The following LANCL1 variants were observed in gnomAD, a reference collection of about 807,000 sequenced individuals.
LANCL1 encodes the protein glutathione S-transferase LANCL1.
A neutral mutation model predicts 50.6 loss-of-function variants in LANCL1; 50 were observed. The observed-to-expected ratio is 0.99, with a 90% CI of 0.79 to 1.25. The LOEUF (loss-of-function observed/expected upper bound fraction) is 1.25, where lower values mean the gene tolerates loss of function less well. LANCL1 is among the 50% of genes most tolerant of loss of function. LANCL1 has a pLI of 0.00. For synonymous variants in LANCL1, 188 were observed against 178.6 expected (o/e 1.05, Z -0.42); for missense variants, 532 against 480.7 (o/e 1.11, Z -1.00).
At chr2:210,442,124 C>T (rs1693158752) in intron 4 of LANCL1, among the ~76,000 whole-genome samples, 1 of 151,882 alleles carries the variant, frequency 6.6e-6, no homozygotes, top group African/African-American at 2.4e-5. Flanking sequence ...CGCTGGTCTC[C>T]AATTCCCGAC....
At chr2:210,456,943 C>T (rs1362062682) in intron 3 of LANCL1, among the ~76,000 whole-genome samples, 1 of 152,158 alleles carries the variant, frequency 6.6e-6, no homozygotes, top group Non-Finnish European at 1.5e-5. Context: ...GTGTATTTCT[C>T]ATGAAAAACA....
At chr2:210,454,904 G>A (rs1693617888) in intron 4 of LANCL1, among the ~76,000 whole-genome samples, 1 of 152,202 alleles carries the variant, frequency 6.6e-6, no homozygotes, top group African/African-American at 2.4e-5. Context: ...GAACATGACA[G>A]TGTCTTTTAT....
chr2:210,443,604 T>A (rs775384520), intron 4 of LANCL1, among the ~76,000 whole-genome samples: 5 of 152,294 alleles, frequency 3.3e-5, no homozygotes, highest in Middle Eastern at 3.4e-3. Flanking sequence ...ATATGGAAAT[T>A]TAATTTTAAA....
At chr2:210,448,045 A>G (rs962772763) in intron 4 of LANCL1, among the ~76,000 whole-genome samples, 1 of 152,166 alleles carries the variant, frequency 6.6e-6, no homozygotes, top group African/African-American at 2.4e-5. Context: ...AAATCAACAG[A>G]ATGTACATTC....
chr2:210,468,143 C>T (rs1462985434), intron 3 of LANCL1: 1 of 151,364 alleles, frequency 6.6e-6, no homozygotes, highest in Non-Finnish European at 1.5e-5. Context: ...TCCTATAATA[C>T]TTACTTTCTG....
chr2:210,449,023 C>A (rs1190245472), intron 4 of LANCL1, among the ~76,000 whole-genome samples: 1 of 152,060 alleles, frequency 6.6e-6, no homozygotes, highest in African/African-American at 2.4e-5. Flanking sequence ...CATCCTGATA[C>A]CAAAACCTGG....
chr2:210,470,718 T>C (rs1311140190), intron 3 of LANCL1, among the ~76,000 whole-genome samples: 1 of 152,208 alleles, frequency 6.6e-6, no homozygotes, highest in East Asian at 1.9e-4. Flanking sequence ...TATTAATAAA[T>C]TTCTCTCAGA....
At chr2:210,438,139 T>C (rs1693002176) in intron 6 of LANCL1, among the ~76,000 whole-genome samples, 2 of 149,360 alleles carry the variant, frequency 1.3e-5, no homozygotes, top group Non-Finnish European at 3.0e-5. Flanking sequence ...CTTTCTTTTT[T>C]TTTTTTTTTT....
At chr2:210,473,324 G>A (rs1391507360) in intron 2 of LANCL1, among the ~76,000 whole-genome samples, 1 of 152,104 alleles carries the variant, frequency 6.6e-6, no homozygotes, top group African/African-American at 2.4e-5. Flanking sequence ...GTGGTGAGCC[G>A]AGATCGTGCC....
rs369219312 is a variant in LANCL1 at position 210,435,510 on chromosome 2, C to A, written c.1051-51G>T. 9.2e-6 allele frequency: 13 copies of A among 1,416,220 alleles called. No individual in the cohort carries two copies. In the African/African-American group the frequency reaches 1.8e-4, roughly 20 times the overall value. The allele number at this position is 1,416,220 out of a possible 1,614,324, so 87.7% of individuals were successfully genotyped here. A position where few individuals can be genotyped will look rare whatever the true frequency, so the allele number is the denominator to read the frequency against. On this transcript the variant is annotated intron_variant, in intron 8 of 9. Coordinates refer to ENST00000450366, the MANE Select transcript of LANCL1 (RefSeq NM_006055.3). ...GTATAGTGATTTCTTCCAGAGACAA[C>A]CCCAAAAGTTAAGAGGTTGTCTATA...
chr2:210,440,553 G>A, intron 6 of LANCL1, 45 bp downstream of exon 6: 1 of 1,563,610 alleles, frequency 6.4e-7, no homozygotes, highest in Non-Finnish European at 8.7e-7. Flanking sequence ...GATAGTACAT[G>A]GGTCAGGAAG....
At chr2:210,472,276 T>C (rs1694249293) in intron 2 of LANCL1, among the ~76,000 whole-genome samples, 200 bp from the exon 3 acceptor site, 1 of 152,356 alleles carries the variant, frequency 6.6e-6, no homozygotes, top group South Asian at 2.1e-4. Flanking sequence ...AACTTATACA[T>C]GTTTTAAATA....
chr2:210,436,912 CTAAGTGTTCTTAAAAGTAGGA>C (rs1692950638), intron 7 of LANCL1, among the ~76,000 whole-genome samples: 2 of 152,110 alleles, frequency 1.3e-5, no homozygotes, highest in Non-Finnish European at 1.5e-5. Flanking sequence ...TCATTGCAAC[CTAAGTGTTCTTAAAAGTAGGA>C]TAAGGCAGTT....
intron 4 of LANCL1, among the ~76,000 whole-genome samples, chr2:210,446,895 G>C (rs1264227146): frequency 6.6e-6 from 1 of 152,118 alleles, no homozygotes; most frequent in African/African-American, 2.4e-5. Flanking sequence ...GAAAGCGACG[G>C]GGAGAATGCA....
At chr2:210,458,866 C>T (rs925058359) in intron 3 of LANCL1, among the ~76,000 whole-genome samples, 23 of 152,106 alleles carry the variant, frequency 1.5e-4, no homozygotes, top group African/African-American at 4.6e-4. Context: ...CAAAATTGTT[C>T]GAGTTTTGAC....
chr2:210,436,175 A>C, intron 8 of LANCL1, 41 bp downstream of exon 8: 1 of 1,577,036 alleles, frequency 6.3e-7, no homozygotes, highest in Non-Finnish European at 8.7e-7. Context: ...TACAGGTGTG[A>C]GCCACCGAGC....
chr2:210,435,804 G>A (rs1368138763), intron 8 of LANCL1, among the ~76,000 whole-genome samples: 2 of 148,366 alleles, frequency 1.3e-5, no homozygotes, highest in Non-Finnish European at 3.0e-5. Context: ...TTAAATAACT[G>A]TATTTGTTAT....
chr2:210,456,549 G>A (rs1273188373), intron 3 of LANCL1, among the ~76,000 whole-genome samples: 1 of 150,848 alleles, frequency 6.6e-6, no homozygotes, highest in East Asian at 1.9e-4. Context: ...AAGGTTTGTA[G>A]ACAAGTGTAC....
At chr2:210,473,475 C>T (rs1414410540) in intron 2 of LANCL1, among the ~76,000 whole-genome samples, 1 of 152,160 alleles carries the variant, frequency 6.6e-6, no homozygotes, top group African/African-American at 2.4e-5. Context: ...TTGAATTTCA[C>T]ATAGTAATTA....
Sources: allele counts gnomAD v4.1 joint callset (sites outside exome capture counted in the v4.1 genomes callset), GRCh38; gene constraint gnomAD v4.1.1; transcripts MANE v1.5; gene names NCBI Gene and HGNC (gene_info 2026-07-23, HGNC 2026-07-21).